The following SHC3 variants were observed in gnomAD, a reference collection of about 807,000 sequenced individuals.
SHC3 encodes SHC-transforming protein 3.
Under a neutral mutation model 60.4 loss-of-function variants are expected in SHC3, and 15 were observed. That is an observed-to-expected ratio of 0.25 (90% CI 0.17 to 0.38). SHC3 has a LOEUF of 0.38. SHC3 is among the 10% of genes least tolerant of loss of function. The pLI, the probability that SHC3 is intolerant of heterozygous loss-of-function variation, is 1.00. For missense variants in SHC3, 677 were observed against 786.1 expected (o/e 0.86, Z 1.66); for synonymous variants, 294 against 325.9 (o/e 0.90, Z 1.05).
chr9:89,165,898 C>T (rs1826781737), intron 1 of SHC3, among the ~76,000 whole-genome samples: 1 of 152,176 alleles, frequency 6.6e-6, no homozygotes, highest in Non-Finnish European at 1.5e-5. Context: ...AACATCACTC[C>T]TAATTGTCTT....
At chr9:89,172,550 C>A (rs1447181027) in intron 1 of SHC3, among the ~76,000 whole-genome samples, 6 of 149,310 alleles carry the variant, frequency 4.0e-5, no homozygotes, top group African/African-American at 1.5e-4. Flanking sequence ...CACGAAGACA[C>A]AGACACACAC....
chr9:89,028,431 T>C (rs570365940), intron 11 of SHC3, among the ~76,000 whole-genome samples: 22 of 150,804 alleles, frequency 1.5e-4, no homozygotes, highest in African/African-American at 4.6e-4. Flanking sequence ...AGAAGATAAT[T>C]TGGAAAACAG....
chr9:89,088,853 AC>A lies in SHC3; in HGVS notation c.546-10951del, dbSNP rs1406023076. Reference sequence around the variant, plus strand: ...CCAGCAGGCAGGATGCATCCACAGCACCCAGGGGAGAACCCAGCAGAGGCCG... The same window carrying A: ...CCAGCAGGCAGGATGCATCCACAGCACCAGGGGAGAACCCAGCAGAGGCCG... On this transcript the variant is annotated intron_variant, in intron 2 of 11. Transcript: ENST00000375835. 2.6e-5 allele frequency: 4 copies of A among 152,918 alleles called. No individual in the cohort carries two copies. The East Asian group carries it at 7.7e-4, about 29-fold the overall frequency. 9.5% of individuals were successfully genotyped at this position (152,918 alleles called of 1,614,324 possible).
intron 1 of SHC3, among the ~76,000 whole-genome samples, chr9:89,175,108 T>C (rs796655473): frequency 4.6e-5 from 7 of 152,388 alleles, no homozygotes; most frequent in African/African-American, 1.7e-4. Context: ...AAATAGTCAT[T>C]GTTCTTTGCT....
intron 7 of SHC3, 73 bp from the exon 8 acceptor site, chr9:89,047,067 A>G: frequency 7.0e-7 from 1 of 1,435,188 alleles, no homozygotes; most frequent in Non-Finnish European, 9.2e-7. Flanking sequence ...ATCTAATGTT[A>G]GCGCCTGTTA....
chr9:89,027,418 CA>C (rs1344074495), intron 11 of SHC3, among the ~76,000 whole-genome samples: 2 of 150,122 alleles, frequency 1.3e-5, no homozygotes, highest in Non-Finnish European at 2.9e-5. Flanking sequence ...CCCCCGGGTT[CA>C]CGCCATTCTG....
chr9:89,038,228 G>T lies in SHC3; in HGVS notation c.1421C>A (p.Ser474Tyr), dbSNP rs2117872103. The T allele has an allele frequency of 6.2e-7, 1 of 1,613,964 alleles. No individual in the cohort carries two copies. The highest frequency in any genetic ancestry group is 2.2e-5 in the East Asian group (1 of 44,864). The change falls in exon 11 of 12, where the codon TCC becomes TAC. Residue 474 changes from serine (S) to tyrosine (Y), a missense_variant. Transcript: ENST00000375835. ...TGACACAGGGCTGATGCACTCCACGGAGGCTGCCTTGCTTAACACGGGCCC... is the reference window on the plus strand; with the variant it reads ...TGACACAGGGCTGATGCACTCCACGTAGGCTGCCTTGCTTAACACGGGCCC... The part of the protein sequence containing the change: ...PLGPVLSKAA[S>Y]VECISPVSPR...
intron 11 of SHC3, among the ~76,000 whole-genome samples, chr9:89,015,951 T>A (rs548080645): frequency 6.6e-6 from 1 of 151,966 alleles, no homozygotes; most frequent in African/African-American, 2.4e-5. Flanking sequence ...CTTAGGAAAC[T>A]AGAAAAAGAA....
At chr9:89,088,268 A>G (rs1469183679) in intron 2 of SHC3, among the ~76,000 whole-genome samples, 1 of 152,214 alleles carries the variant, frequency 6.6e-6, no homozygotes, top group Admixed American at 6.5e-5. Flanking sequence ...CAATCAGGAA[A>G]ATCTTTCAAG....
chr9:89,060,306 G>A (rs1204539058), intron 6 of SHC3, among the ~76,000 whole-genome samples: 2 of 150,370 alleles, frequency 1.3e-5, no homozygotes, highest in Non-Finnish European at 3.0e-5. Context: ...GGTGTAGTAC[G>A]TGGTAGAGGA....
chr9:89,015,055 C>T (rs1212620824), intron 11 of SHC3, among the ~76,000 whole-genome samples: 3 of 152,198 alleles, frequency 2.0e-5, no homozygotes, highest in African/African-American at 7.2e-5. Context: ...AGGATGTAAC[C>T]TGTTGGGCAA....
At chr9:89,098,137 T>G (rs76486060) in intron 2 of SHC3, among the ~76,000 whole-genome samples, 2,505 of 152,230 alleles carry the variant, frequency 0.016, 64 homozygotes, top group African/African-American at 0.055. Context: ...ATAGGCAAAT[T>G]AAAATTGAGG....
chr9:89,168,188 G>A (rs779141177), intron 1 of SHC3, among the ~76,000 whole-genome samples: 7 of 152,144 alleles, frequency 4.6e-5, no homozygotes, highest in African/African-American at 9.7e-5. Flanking sequence ...TATTTGGGTC[G>A]GGCACGGTGG....
Position 89,013,559 on chromosome 9 carries a change from CTG to C in SHC3, c.1671_1672del (p.Asp557GlufsTer4). 1 of 1,613,288 alleles carries C rather than the reference CTG, an allele frequency of 6.2e-7. No homozygotes were observed. The highest frequency in any genetic ancestry group is 8.5e-7 in the Non-Finnish European group (1 of 1,179,750). On this transcript the variant is annotated frameshift_variant, in exon 12 of 12. Coordinates refer to ENST00000375835, the MANE Select transcript of SHC3 (RefSeq NM_016848.6). LOFTEE classifies it high-confidence loss of function. ...GAGGTGGCTGATACTGTCAAAGACT[CTG>C]TCCTTTGTCCGGATCTATGAATGAA...
chr9:89,085,495 C>A (rs1825514214), intron 2 of SHC3, among the ~76,000 whole-genome samples: 1 of 152,190 alleles, frequency 6.6e-6, no homozygotes, highest in African/African-American at 2.4e-5. Flanking sequence ...ATAAGAGCTT[C>A]CCAATAAAGT....
rs1303116075 is a variant in SHC3, at chr9:89,012,510, C to G, written c.*937G>C. 6.6e-6 allele frequency: 1 copy of G among 152,168 alleles called. No homozygotes were observed. Among genetic ancestry groups the G allele is most frequent in the Non-Finnish European group, 1.5e-5 (1 of 68,040 alleles). 9.4% of individuals were successfully genotyped at this position (152,168 alleles called of 1,614,324 possible). ...TCTTGCTGTCACACAGGCTTCTCCC[C>G]TATTGTATAAGGCGGGCGGGGGACT... On this transcript the variant is annotated 3_prime_UTR_variant, in exon 12 of 12. Transcript: ENST00000375835.
At position 89,045,868 on chromosome 9, in the gene SHC3, T is replaced by C. The variant is rs765089096; in HGVS notation, c.1114-35A>G. The stretch of plus-strand genomic sequence containing the variant: ...CATGTAAATACACAGAATGAAAAAA[T>C]TATTTTCTTCTCATTTCACCACTTT... On this transcript the variant is annotated intron_variant, in intron 8 of 11. Coordinates refer to ENST00000375835, the MANE Select transcript of SHC3 (RefSeq NM_016848.6). 3.1e-6 allele frequency: 5 copies of C among 1,602,878 alleles called. No individual in the cohort carries two copies. The South Asian group carries it at 5.5e-5, about 18-fold the overall frequency.
intron 11 of SHC3, among the ~76,000 whole-genome samples, chr9:89,013,997 G>T (rs542072148): frequency 6.6e-6 from 1 of 152,060 alleles, no homozygotes; most frequent in African/African-American, 2.4e-5. Flanking sequence ...GACATCTCCC[G>T]GCCCAGAATT....
At chr9:89,123,588 G>A (rs1441760316) in intron 1 of SHC3, among the ~76,000 whole-genome samples, 2 of 152,192 alleles carry the variant, frequency 1.3e-5, no homozygotes, top group East Asian at 3.9e-4. Flanking sequence ...CCAAGCCAGT[G>A]TGTCAAGATC....
Sources: gnomAD v4.1 joint callset for allele counts (sites outside exome capture counted in the v4.1 genomes callset) on GRCh38, gnomAD v4.1.1 for gene constraint, MANE v1.5 for transcripts, NCBI Gene and HGNC (gene_info 2026-07-23, HGNC 2026-07-21) for gene names.